Variants in CFAP53 observed in about 807,000 individuals in gnomAD.
The protein encoded by CFAP53 is cilia- and flagella-associated protein 53.
In CFAP53, 62 loss-of-function variants were observed where a neutral mutation model predicts 59.7. That is an observed-to-expected ratio of 1.04 (90% CI 0.85 to 1.28). The LOEUF (loss-of-function observed/expected upper bound fraction) is 1.28. Among genes scored for constraint, CFAP53 ranks in the 50% most tolerant of loss-of-function variants. The pLI is 0.00. For missense variants in CFAP53, 629 were observed against 615.6 expected, an observed-to-expected ratio of 1.02 and a Z score of -0.23; for synonymous variants, 218 against 205.7, an observed-to-expected ratio of 1.06 and a Z score of -0.51.
chr18:50,255,184 A>G (rs1029522385), intron 3 of CFAP53, among the ~76,000 whole-genome samples: 3 of 152,228 alleles, frequency 2.0e-5, no homozygotes, highest in Non-Finnish European at 2.9e-5. Flanking sequence ...AAAAAGGCCA[A>G]TCTCTAAAGA....
intron 7 of CFAP53, among the ~76,000 whole-genome samples, chr18:50,230,842 T>C (rs557326398): frequency 2.8e-4 from 42 of 152,278 alleles, no homozygotes; most frequent in Non-Finnish European, 4.9e-4. Context: ...ATAAAGATAA[T>C]AGAATTTTAT....
At chr18:50,238,072 T>C (rs113854978) in intron 7 of CFAP53, among the ~76,000 whole-genome samples, 47 of 152,368 alleles carry the variant, frequency 3.1e-4, no homozygotes, top group African/African-American at 1.1e-3. Context: ...TAATAACTTA[T>C]GTGTATAATC....
At chr18:50,228,518 T>G (rs1182895108) in intron 7 of CFAP53, among the ~76,000 whole-genome samples, 2 of 152,124 alleles carry the variant, frequency 1.3e-5, no homozygotes, top group Non-Finnish European at 2.9e-5. Context: ...ATGATGGGCA[T>G]GGTGGCTCAT....
chr18:50,248,827 C>T (rs750704931), intron 5 of CFAP53, among the ~76,000 whole-genome samples: 3 of 148,882 alleles, frequency 2.0e-5, no homozygotes, highest in African/African-American at 7.4e-5. Flanking sequence ...CACAGAAAAA[C>T]CTGTACTCAA....
At chr18:50,246,088 C>G (rs754378006) in intron 5 of CFAP53, among the ~76,000 whole-genome samples, 10 of 152,158 alleles carry the variant, frequency 6.6e-5, no homozygotes, top group Non-Finnish European at 1.5e-4. Context: ...CGGGGTTTCA[C>G]CATGTTGGTC....
intron 7 of CFAP53, among the ~76,000 whole-genome samples, chr18:50,236,625 A>G (rs1346496360): frequency 6.6e-6 from 1 of 152,192 alleles, no homozygotes; most frequent in Non-Finnish European, 1.5e-5. Flanking sequence ...GCCCACACAT[A>G]GGGGTTCCAG....
intron 3 of CFAP53, among the ~76,000 whole-genome samples, chr18:50,259,185 G>T (rs1443453494): frequency 6.6e-6 from 1 of 152,192 alleles, no homozygotes; most frequent in East Asian, 1.9e-4. Flanking sequence ...CAACAGCTAA[G>T]ATTTGGAAGC....
At chr18:50,251,416 A>C in intron 4 of CFAP53, 65 bp downstream of exon 4, 1 of 1,393,332 alleles carries the variant, frequency 7.2e-7, no homozygotes, top group Non-Finnish European at 9.9e-7. Context: ...GTACTGTAAC[A>C]GGCCTGCAAA....
rs778206743 is a variant in CFAP53, at chr18:50,262,161, C to G, written c.128G>C (p.Ser43Thr). The change falls in exon 2 of 8, where the codon AGC becomes ACC. Residue 43 changes from serine (S) to threonine (T), a missense_variant. Coordinates refer to ENST00000398545, the MANE Select transcript of CFAP53 (RefSeq NM_145020.5). ...CAAAATAGCATTATGCTTCTGATGG[C>G]TGCGTCGGATTCTTTCTAGATGGTG... ...AEHHLERIRR[S>T]HQKHNAILAS... is the part of the protein sequence containing the mutation. 2.5e-6 allele frequency: 4 copies of G among 1,614,102 alleles called. No homozygotes were observed. In the East Asian group the frequency reaches 8.9e-5, roughly 36 times the overall value.
intron 7 of CFAP53, 94 bp downstream of exon 7, chr18:50,238,509 C>T (rs1003679628): frequency 4.0e-6 from 3 of 743,336 alleles, no homozygotes; most frequent in Non-Finnish European, 4.5e-6. Flanking sequence ...TCCTCAGCCT[C>T]CCAAAGTACT....
At chr18:50,235,594 A>G (rs535025116) in intron 7 of CFAP53, among the ~76,000 whole-genome samples, 13 of 152,274 alleles carry the variant, frequency 8.5e-5, no homozygotes, top group African/African-American at 2.6e-4. Context: ...TAAGATTCAT[A>G]TTACTTTATC....
At chr18:50,263,320 G>A (rs1369991953) in intron 1 of CFAP53, among the ~76,000 whole-genome samples, 1 of 152,184 alleles carries the variant, frequency 6.6e-6, no homozygotes, top group Non-Finnish European at 1.5e-5. Flanking sequence ...GAGACAGAGA[G>A]TCAATCTGAT....
rs183087675 is a variant in CFAP53, at chr18:50,257,108, T to C, written c.473+3956A>G. On this transcript the variant is annotated intron_variant, in intron 3 of 7. Transcript: ENST00000398545. ...AAAATCCCTTCTGAATACAAAAACT[T>C]TAGCCAGTTACTCTAAAATTAAAAG... is the stretch of plus-strand genomic sequence containing the variant. 4.6e-5 allele frequency among the ~76,000 whole-genome samples: 7 copies of C among 152,114 alleles called. No individual in the cohort carries two copies. In the East Asian group the frequency reaches 1.2e-3, roughly 25 times the overall value.
chr18:50,265,345 G>A (rs530340331), intron 1 of CFAP53, among the ~76,000 whole-genome samples: 1 of 152,174 alleles, frequency 6.6e-6, no homozygotes, highest in South Asian at 2.1e-4. Flanking sequence ...AATTACCTTC[G>A]AGGTAATGAA....
At chr18:50,234,749 G>C (rs775585557) in intron 7 of CFAP53, among the ~76,000 whole-genome samples, 8 of 152,112 alleles carry the variant, frequency 5.3e-5, no homozygotes, top group Non-Finnish European at 1.2e-4. Flanking sequence ...TCCTAAGTTG[G>C]GCCCTTCAAA....
intron 3 of CFAP53, among the ~76,000 whole-genome samples, chr18:50,260,543 T>C (rs1214549673): frequency 1.3e-5 from 2 of 152,128 alleles, no homozygotes; most frequent in Admixed American, 6.5e-5. Flanking sequence ...CGCGTGCCTA[T>C]AGTCTCAGCT....
chr18:50,257,344 G>A (rs978616070), intron 3 of CFAP53, among the ~76,000 whole-genome samples: 1 of 152,208 alleles, frequency 6.6e-6, no homozygotes, highest in Non-Finnish European at 1.5e-5. Context: ...CTTGTTTGCA[G>A]ATGACACGAT....
Position 50,264,680 on chromosome 18 carries a change from G to A in CFAP53, c.69+1656C>T, listed in dbSNP as rs911632293. 2.6e-5 allele frequency among the ~76,000 whole-genome samples: 4 copies of A among 152,316 alleles called. No individual in the cohort carries two copies. In the Middle Eastern group the frequency reaches 0.01, roughly 389 times the overall value. On this transcript the variant is annotated intron_variant, in intron 1 of 7. Coordinates refer to ENST00000398545, the MANE Select transcript of CFAP53 (RefSeq NM_145020.5). ...ACACTCAGACACCGGAGGAGCAGATGCACCAACTCTAACCTCCTCCTTTTC... is the reference window on the plus strand; with the variant it reads ...ACACTCAGACACCGGAGGAGCAGATACACCAACTCTAACCTCCTCCTTTTC...
At chr18:50,235,182 A>C (rs929834865) in intron 7 of CFAP53, among the ~76,000 whole-genome samples, 10 of 152,210 alleles carry the variant, frequency 6.6e-5, no homozygotes, top group African/African-American at 2.4e-4. Flanking sequence ...CTCAAAAAGG[A>C]GTTCCTGAAG....
Sources: allele counts gnomAD v4.1 joint callset (sites outside exome capture counted in the v4.1 genomes callset), GRCh38; gene constraint gnomAD v4.1.1; transcripts MANE v1.5; gene names NCBI Gene and HGNC (gene_info 2026-07-23, HGNC 2026-07-21).